The following BARX2 variants were observed in gnomAD, a reference collection of about 807,000 sequenced individuals.
BARX2 encodes homeobox protein BarH-like 2.
In BARX2, 11 loss-of-function variants were observed where a neutral mutation model predicts 25.5. That is an observed-to-expected ratio of 0.43 (90% CI 0.27 to 0.71). The LOEUF is 0.71. Ranked by LOEUF, BARX2 falls within the 30% of genes least tolerant of loss-of-function variation. The pLI, the probability that BARX2 is intolerant of heterozygous loss-of-function variation, is 0.19. For synonymous variants in BARX2, 137 were observed against 149.5 expected, an observed-to-expected ratio of 0.92 and a Z score of 0.61; for missense variants, 360 against 359.9, an observed-to-expected ratio of 1.00 and a Z score of 0.00.
At chr11:129,399,636 G>C (rs1861756382) in intron 1 of BARX2, among the ~76,000 whole-genome samples, 1 of 152,220 alleles carries the variant, frequency 6.6e-6, no homozygotes, top group Non-Finnish European at 1.5e-5. Flanking sequence ...AGCAGCAGCA[G>C]AGGGACGGCT....
intron 1 of BARX2, among the ~76,000 whole-genome samples, chr11:129,387,383 C>T (rs561935796): frequency 6.6e-6 from 1 of 152,244 alleles, no homozygotes; most frequent in Admixed American, 6.5e-5. Flanking sequence ...ACTTTTGAAT[C>T]CTCTGTCTGG....
rs1034035769 is a variant in BARX2 at position 129,390,960 on chromosome 11, A to C, written c.187+14738A>C. On this transcript the variant is annotated intron_variant, in intron 1 of 3. Transcript: ENST00000281437. This position sits in a 1 kb window ranked among gnomAD's most constrained non-coding sequence, Gnocchi z 4.3. Reference sequence around the variant, plus strand: ...CAGGATTTAAAGTAGAACTCCTGTCAAAAACCTTTCCTCCAGAGCCTCCAC... The same window carrying C: ...CAGGATTTAAAGTAGAACTCCTGTCCAAAACCTTTCCTCCAGAGCCTCCAC... Among the ~76,000 whole-genome samples the C allele has an allele frequency of 2.6e-5, 4 of 152,218 alleles. No homozygotes were observed. Among genetic ancestry groups the C allele is most frequent in the African/African-American group, 9.6e-5 (4 of 41,458 alleles).
chr11:129,381,168 G>A (rs969850007), intron 1 of BARX2, among the ~76,000 whole-genome samples: 13 of 152,244 alleles, frequency 8.5e-5, no homozygotes, highest in East Asian at 3.9e-4. Flanking sequence ...TAGAAATTTC[G>A]TTCACGGGTT....
upstream of BARX2, among the ~76,000 whole-genome samples, chr11:129,375,469 G>A (rs1387346961): frequency 6.6e-6 from 1 of 152,136 alleles, no homozygotes; most frequent in East Asian, 1.9e-4. The surrounding 1 kb of genome is among the most constrained non-coding windows in gnomAD (Gnocchi z 4.0). Flanking sequence ...AGGCAGTAAG[G>A]TGCTCATGGG....
intron 1 of BARX2, among the ~76,000 whole-genome samples, chr11:129,404,921 G>A (rs1861815344): frequency 6.6e-6 from 1 of 152,130 alleles, no homozygotes; most frequent in African/African-American, 2.4e-5. Context: ...TTCCTCTGAG[G>A]ACAAAAATAA....
intron 1 of BARX2, among the ~76,000 whole-genome samples, chr11:129,394,303 C>T (rs917123486): frequency 1.3e-5 from 2 of 152,034 alleles, no homozygotes; most frequent in African/African-American, 2.4e-5. Context: ...ATGGGCTTTG[C>T]GGTTGTTTTT....
chr11:129,406,256 G>A (rs1007674382), intron 1 of BARX2, among the ~76,000 whole-genome samples: 4 of 152,190 alleles, frequency 2.6e-5, no homozygotes, highest in Admixed American at 6.5e-5. Context: ...AATTCTTACA[G>A]TAATCCTACA....
intron 1 of BARX2, among the ~76,000 whole-genome samples, chr11:129,427,516 T>G (rs1215618524): frequency 6.6e-6 from 1 of 152,162 alleles, no homozygotes; most frequent in Non-Finnish European, 1.5e-5. Context: ...AAGCTTTCTG[T>G]GTATATATAG....
chr11:129,450,801 ATTG>A (rs964534042), intron 3 of BARX2, among the ~76,000 whole-genome samples: 8 of 152,110 alleles, frequency 5.3e-5, no homozygotes, highest in South Asian at 2.1e-4. Flanking sequence ...TACAAATATT[ATTG>A]TTGTCTTTTT....
At chr11:129,401,308 A>G (rs886235085) in intron 1 of BARX2, among the ~76,000 whole-genome samples, 1 of 152,002 alleles carries the variant, frequency 6.6e-6, no homozygotes, top group Non-Finnish European at 1.5e-5. Context: ...AGACTTGACC[A>G]CCTGTTTTTT....
At chr11:129,420,401 C>T (rs1193336980) in intron 1 of BARX2, among the ~76,000 whole-genome samples, 1 of 152,236 alleles carries the variant, frequency 6.6e-6, no homozygotes. Flanking sequence ...GAACAGAACA[C>T]TCGTTTTCTC....
rs769693860 is a variant in BARX2 at position 129,436,891 on chromosome 11, G to A, written c.328G>A (p.Ala110Thr). 1 of 1,613,866 alleles carries A rather than the reference G, an allele frequency of 6.2e-7. No individual in the cohort carries two copies. The change falls in exon 2 of 4, where the codon GCC becomes ACC. Residue 110 changes from alanine to threonine, a missense_variant. By Grantham distance (58) the Ala-to-Thr change is moderately conservative. Coordinates refer to ENST00000281437, the MANE Select transcript of BARX2 (RefSeq NM_003658.5). The surrounding 1 kb of genome is among the most constrained non-coding windows in gnomAD (Gnocchi z 4.5). The part of the protein sequence containing the change: ...HQVTEAVSAE[A>T]PGGEALASSE... ...GGTCACCGAGGCGGTCTCTGCTGAG[G>A]CCCCAGGGGGCGAGGCCCTAGCCAG...
chr11:129,405,794 G>A (rs1861823395), intron 1 of BARX2, among the ~76,000 whole-genome samples: 1 of 152,092 alleles, frequency 6.6e-6, no homozygotes, highest in Non-Finnish European at 1.5e-5. Flanking sequence ...CCTCTGTTGC[G>A]ATGTCCCCTC....
chr11:129,436,885 G>C lies in BARX2; in HGVS notation c.322G>C (p.Ala108Pro). 6.2e-7 allele frequency: 1 copy of C among 1,614,042 alleles called. No individual in the cohort carries two copies. The highest frequency in any genetic ancestry group is 8.5e-7 in the Non-Finnish European group (1 of 1,179,984). The part of the protein sequence containing the change: ...SCHQVTEAVS[A>P]EAPGGEALAS... The stretch of plus-strand genomic sequence containing the variant: ...CCACCAGGTCACCGAGGCGGTCTCT[G>C]CTGAGGCCCCAGGGGGCGAGGCCCT... Residue 108 changes from alanine (A) to proline (P), a missense_variant, in exon 2 of 4, where the codon GCT (alanine) becomes CCT (proline). Ala to Pro is a conservative substitution (Grantham distance 27). This residue lies in a region of BARX2 where 240 missense variants were observed against 228.7 expected (regional missense o/e 1.05). Transcript: ENST00000281437. The surrounding 1 kb of genome is among the most constrained non-coding windows in gnomAD (Gnocchi z 4.5).
At chr11:129,423,214 T>G (rs922590287) in intron 1 of BARX2, among the ~76,000 whole-genome samples, 1 of 151,912 alleles carries the variant, frequency 6.6e-6, no homozygotes, top group Non-Finnish European at 1.5e-5. Flanking sequence ...CCTCCCAGAT[T>G]CAAGCAGTTC....
chr11:129,397,095 G>A (rs1263070988), intron 1 of BARX2, among the ~76,000 whole-genome samples: 1 of 152,006 alleles, frequency 6.6e-6, no homozygotes, highest in Non-Finnish European at 1.5e-5. Context: ...GACCACCCTG[G>A]GCAACATAGT....
chr11:129,430,734 T>C (rs1376352961), intron 1 of BARX2, among the ~76,000 whole-genome samples: 2 of 152,216 alleles, frequency 1.3e-5, no homozygotes, highest in Non-Finnish European at 2.9e-5. Flanking sequence ...CCTCTGGCAG[T>C]CTATTCTCTA....
chr11:129,442,678 A>C, intron 2 of BARX2, 157 bp from the exon 3 acceptor site: 1 of 717,090 alleles, frequency 1.4e-6, no homozygotes, highest in East Asian at 2.7e-5. Context: ...GATTCTTGGA[A>C]GGAAAGAAAA....
At chr11:129,435,463 A>G (rs953225015) in intron 1 of BARX2, among the ~76,000 whole-genome samples, 10 of 152,238 alleles carry the variant, frequency 6.6e-5, no homozygotes, top group Non-Finnish European at 1.0e-4. Flanking sequence ...GAGCACAGGT[A>G]GTACCTGGAT....
Sources: gnomAD v4.1 joint callset for allele counts (sites outside exome capture counted in the v4.1 genomes callset) on GRCh38, gnomAD v4.1.1 for gene constraint, gnomAD v4.1.1 regional missense constraint, Gnocchi (gnomAD v3.1) non-coding constraint, MANE v1.5 for transcripts, NCBI Gene and HGNC (gene_info 2026-07-23, HGNC 2026-07-21) for gene names.